The following DLG5 variants were observed in gnomAD, a reference collection of about 807,000 sequenced individuals.
DLG5 encodes the protein disks large homolog 5.
Under a neutral mutation model 189.8 loss-of-function variants are expected in DLG5, and 48 were observed. The ratio of observed to expected loss-of-function variants is 0.25; its 90% CI spans 0.20 to 0.32. The LOEUF (loss-of-function observed/expected upper bound fraction) is 0.32. DLG5 is among the 10% of genes least tolerant of loss of function. The probability of loss-of-function intolerance (pLI) is 1.00; values close to 1 mark genes in which losing one functional copy is unlikely to be tolerated. For synonymous variants in DLG5, 1,016 were observed against 1,054.1 expected (o/e 0.96, Z 0.70); for missense variants, 2,160 against 2,544.7 (o/e 0.85, Z 3.25).
rs759190403 is a variant in DLG5, at chr10:77,809,701, A to C, written c.4493T>G (p.Leu1498Arg). Residue 1498 changes from leucine (L) to arginine (R), a missense_variant, in exon 24 of 32, where the codon CTG becomes CGG. This residue lies in a region of DLG5 where 574 missense variants were observed against 644.2 expected (regional missense o/e 0.89). Coordinates refer to ENST00000372391, the MANE Select transcript of DLG5 (RefSeq NM_004747.4). Reference sequence around the variant, plus strand: ...TTTGATGAAGACAACGCGTGGCTCCAGGGTCTTCTTGTTGGCATCTCCCGC... The same window carrying C: ...TTTGATGAAGACAACGCGTGGCTCCCGGGTCTTCTTGTTGGCATCTCCCGC... ...RIAGDANKKT[L>R]EPRVVFIKKS... 4 of 1,613,780 alleles carry C rather than the reference A, an allele frequency of 2.5e-6. No individual in the cohort carries two copies. The South Asian group carries it at 3.3e-5, about 13-fold the overall frequency.
intron 18 of DLG5, among the ~76,000 whole-genome samples, chr10:77,817,500 C>T (rs1568141137): frequency 6.6e-6 from 1 of 152,230 alleles, no homozygotes; most frequent in African/African-American, 2.4e-5. Context: ...AGGCCAACAA[C>T]CTCAGGGACA....
intron 2 of DLG5, chr10:77,867,027 T>G (rs1203152650): frequency 4.4e-6 from 2 of 457,200 alleles, no homozygotes; most frequent in Non-Finnish European, 8.8e-6. Context: ...ATCAGAGCAC[T>G]GCACTCTGCC....
chr10:77,840,881 A>G (rs1400181961), intron 7 of DLG5, among the ~76,000 whole-genome samples: 1 of 152,100 alleles, frequency 6.6e-6, no homozygotes, highest in African/African-American at 2.4e-5. Flanking sequence ...CATGCTGGTC[A>G]CCCCCTGGGC....
At chr10:77,879,267 G>A (rs566158881) in intron 1 of DLG5, among the ~76,000 whole-genome samples, 67 of 152,202 alleles carry the variant, frequency 4.4e-4, no homozygotes, top group African/African-American at 1.5e-3. Context: ...AAAGGCCCTG[G>A]GGCCACCCCA....
At chr10:77,829,315 A>G in intron 12 of DLG5, 40 bp downstream of exon 12, 1 of 1,612,216 alleles carries the variant, frequency 6.2e-7, no homozygotes, top group Non-Finnish European at 8.5e-7. Context: ...AAAGGGCCCC[A>G]GCCACCTGAG....
chr10:77,897,127 G>A (rs1425457303), intron 1 of DLG5, among the ~76,000 whole-genome samples: 3 of 152,026 alleles, frequency 2.0e-5, no homozygotes, highest in East Asian at 1.9e-4. Context: ...AGGCTGAGGC[G>A]GGCAGATCAC....
In DLG5 at chr10:77,816,412, G is replaced by T. The variant is rs115233874; in HGVS notation, c.4025+139C>A. The T allele has an allele frequency of 7.1e-4, 955 of 1,353,258 alleles. 1 individual carries two copies. In the African/African-American group the frequency reaches 9.4e-3, roughly 13 times the overall value. The allele number at this position is 1,353,258 out of a possible 1,614,324, so 83.8% of individuals were successfully genotyped here. ...ATCCAGTGCCCCATGGCACTTACTG[G>T]TGACACCAGCAAATGCTGGGACACT... On this transcript the variant is annotated intron_variant, in intron 20 of 31. Coordinates refer to ENST00000372391, the MANE Select transcript of DLG5 (RefSeq NM_004747.4).
At chr10:77,833,568 T>C (rs1278168008) in intron 9 of DLG5, among the ~76,000 whole-genome samples, 1 of 151,786 alleles carries the variant, frequency 6.6e-6, no homozygotes, top group Non-Finnish European at 1.5e-5. Flanking sequence ...AGTGAGTGAG[T>C]GAGTGAGTAG....
At chr10:77,883,691 CTT>C (rs36028891) in intron 1 of DLG5, among the ~76,000 whole-genome samples, 4 of 96,456 alleles carry the variant, frequency 4.1e-5, no homozygotes, top group Admixed American at 1.3e-4. Context: ...TAACATTGTT[CTT>C]TTTTTTTTTT....
chr10:77,921,552 A>G (rs1354151795), intron 1 of DLG5, among the ~76,000 whole-genome samples: 5 of 152,136 alleles, frequency 3.3e-5, no homozygotes, highest in Admixed American at 3.3e-4. Flanking sequence ...TGCATCCCCA[A>G]TTCCCTTCCA....
intron 14 of DLG5, 78 bp from the exon 15 acceptor site, chr10:77,822,179 A>G: frequency 1.3e-6 from 2 of 1,516,686 alleles, no homozygotes; most frequent in South Asian, 2.6e-5. Context: ...CCATCCCCAG[A>G]GGTAAAGCAA....
intron 2 of DLG5, among the ~76,000 whole-genome samples, chr10:77,865,720 C>T (rs1022324290): frequency 6.6e-6 from 1 of 152,158 alleles, no homozygotes; most frequent in Non-Finnish European, 1.5e-5. Flanking sequence ...GTCACAACAA[C>T]AGGCGCAGGA....
chr10:77,820,512 T>C (rs929638139), intron 15 of DLG5: 2 of 165,634 alleles, frequency 1.2e-5, no homozygotes, highest in African/African-American at 4.8e-5. Context: ...GCAGCTTTAC[T>C]TCAGAAGAAA....
chr10:77,820,916 C>T, intron 15 of DLG5, 166 bp downstream of exon 15: 1 of 818,886 alleles, frequency 1.2e-6, no homozygotes, highest in South Asian at 2.0e-5. Context: ...ACGCCACTTA[C>T]CTACCTCCTA....
chr10:77,844,186 C>T (rs375682921), intron 5 of DLG5, among the ~76,000 whole-genome samples: 1 of 152,124 alleles, frequency 6.6e-6, no homozygotes, highest in Non-Finnish European at 1.5e-5. Context: ...TCCTACATGA[C>T]CAGCCCCCAA....
At chr10:77,826,819 A>G (rs1261124456) in intron 13 of DLG5, among the ~76,000 whole-genome samples, 1 of 151,978 alleles carries the variant, frequency 6.6e-6, no homozygotes, top group Non-Finnish European at 1.5e-5. Context: ...GTGGTGGCGC[A>G]TGCCTGTAAT....
chr10:77,851,753 A>T (rs1314040529), intron 5 of DLG5, among the ~76,000 whole-genome samples: 1 of 152,268 alleles, frequency 6.6e-6, no homozygotes, highest in East Asian at 1.9e-4. Context: ...AACTTTTTCA[A>T]CAGAAGCAAG....
At position 77,792,562 on chromosome 10, in the gene DLG5, G is replaced by A; in HGVS notation, c.5657-19C>T. 1.2e-6 allele frequency: 2 copies of A among 1,612,092 alleles called. No individual in the cohort carries two copies. The highest frequency in any genetic ancestry group is 1.3e-5 in the African/African-American group (1 of 74,992). On this transcript the variant is annotated intron_variant, in intron 31 of 31. Coordinates refer to ENST00000372391, the MANE Select transcript of DLG5 (RefSeq NM_004747.4). ...ATGACCCCTGCAAAAGAGCCCCCCA[G>A]ACACGTCATTCAGCTCAGAGTAAGA...
intron 8 of DLG5, 136 bp downstream of exon 8, chr10:77,835,602 T>C (rs1843088457): frequency 1.1e-6 from 1 of 892,942 alleles, no homozygotes; most frequent in Non-Finnish European, 1.6e-6. Flanking sequence ...CAACTAGGGG[T>C]GAGAAAGGAG....
Sources: allele counts gnomAD v4.1 joint callset (sites outside exome capture counted in the v4.1 genomes callset), GRCh38; gene constraint gnomAD v4.1.1; regional missense constraint gnomAD v4.1.1; transcripts MANE v1.5; gene names NCBI Gene and HGNC (gene_info 2026-07-23, HGNC 2026-07-21).